GRIN2A: variants seen among roughly 807,000 people sequenced by gnomAD.
The protein encoded by GRIN2A is glutamate receptor ionotropic, NMDA 2A.
Under a neutral mutation model 113.4 loss-of-function variants are expected in GRIN2A, and 22 were observed. The ratio of observed to expected loss-of-function variants is 0.19; its 90% CI spans 0.14 to 0.28. The LOEUF (loss-of-function observed/expected upper bound fraction) is 0.28, where lower values mean the gene tolerates loss of function less well. Ranked by LOEUF, GRIN2A falls within the 10% of genes least tolerant of loss-of-function variation. The pLI is 1.00. For synonymous variants in GRIN2A, 827 were observed against 738.4 expected, an observed-to-expected ratio of 1.12 and a Z score of -1.94; for missense variants, 1,502 against 1,887.0, an observed-to-expected ratio of 0.80 and a Z score of 3.78.
rs138920458 is a variant in GRIN2A at position 9,762,180 on chromosome 16, T to C, written c.*969A>G. The C allele has an allele frequency of 4.6e-6, 1 of 219,452 alleles. No individual in the cohort carries two copies. The highest frequency in any genetic ancestry group is 2.2e-5 in the African/African-American group (1 of 44,708). 13.6% of individuals were successfully genotyped at this position (219,452 alleles called of 1,614,324 possible). On this transcript the variant is annotated 3_prime_UTR_variant, in exon 13 of 13. Transcript: ENST00000330684. ...GCTAATTGGACACCACCATGGCTGT[T>C]TGGAAACGGAACGAGTTATGGTTAC... is the stretch of plus-strand genomic sequence containing the variant.
At chr16:9,800,289 G>T (rs34220554) in intron 10 of GRIN2A, among the ~76,000 whole-genome samples, 4,190 of 152,178 alleles carry the variant, frequency 0.028, 81 homozygotes, top group Middle Eastern at 0.099. Flanking sequence ...AGTAGTCCTG[G>T]ATATTGTTTC....
intron 2 of GRIN2A, among the ~76,000 whole-genome samples, chr16:10,016,770 G>A (rs720717): frequency 0.69 from 105,018 of 152,004 alleles, 36,727 homozygotes; most frequent in Middle Eastern, 0.82. Flanking sequence ...TGGGCCTCCC[G>A]GCCTGGACTC....
chr16:10,093,444 G>A (rs772209156), intron 2 of GRIN2A, among the ~76,000 whole-genome samples: 1 of 152,104 alleles, frequency 6.6e-6, no homozygotes, highest in Non-Finnish European at 1.5e-5. Flanking sequence ...GGCCTCCATA[G>A]CTTCTAAAAA....
rs746257794 is a variant in GRIN2A, at chr16:9,764,251, C to T, written c.3293G>A (p.Cys1098Tyr). 3.1e-6 allele frequency: 5 copies of T among 1,614,044 alleles called. No homozygotes were observed. In the Admixed American group the frequency reaches 6.7e-5, roughly 22 times the overall value. ...CAGGTAGGTGCGCTCGACCTCACTA[C>T]AGTCCTTGGGGTATTTGGAGGCCAC... ...RSVASKYPKD[C>Y]SEVERTYLKT... is the part of the protein sequence containing the mutation. The change falls in exon 13 of 13, where the codon TGT becomes TAT. Residue 1098 changes from cysteine (C) to tyrosine (Y), a missense_variant. By Grantham distance (194) the Cys-to-Tyr change is radical. Around this residue, in one of 7 missense-constraint regions of GRIN2A, gnomAD observed 832 missense variants for 789.7 expected, o/e 1.05. Transcript: ENST00000330684.
At chr16:10,002,933 G>C (rs1383711647) in intron 2 of GRIN2A, among the ~76,000 whole-genome samples, 1 of 152,132 alleles carries the variant, frequency 6.6e-6, no homozygotes, top group Non-Finnish European at 1.5e-5. Context: ...GAAACCATAA[G>C]GCCTTTTATT....
chr16:10,096,539 A>AACACACACACACACACACACAC lies in GRIN2A; in HGVS notation c.414+83437_414+83458dup, dbSNP rs59351819. Reference sequence around the variant, plus strand: ...TTCAATTTTTTTTAAATTGTGGTAAAACACACACACACACACACACACACA... The same window carrying AACACACACACACACACACACAC: ...TTCAATTTTTTTTAAATTGTGGTAAAACACACACACACACACACACACACACACACACACACACACACACACA... On this transcript the variant is annotated intron_variant, in intron 2 of 12. Coordinates refer to ENST00000330684, the MANE Select transcript of GRIN2A (RefSeq NM_001134407.3). 2.5e-3 allele frequency among the ~76,000 whole-genome samples: 344 copies of AACACACACACACACACACACAC among 137,732 alleles called. 6 individuals are homozygous for AACACACACACACACACACACAC. The highest frequency in any genetic ancestry group is 4.4e-3 in the South Asian group (17 of 3,842). The allele number at this position is 137,732 out of a possible 152,430, so 90.4% of individuals were successfully genotyped here.
At chr16:10,155,109 T>A (rs916734699) in intron 2 of GRIN2A, among the ~76,000 whole-genome samples, 6 of 152,294 alleles carry the variant, frequency 3.9e-5, no homozygotes. Flanking sequence ...TGGCTTAAAC[T>A]TTTTTCTGTA....
At chr16:9,874,995 G>A (rs1173620439) in intron 4 of GRIN2A, among the ~76,000 whole-genome samples, 9 of 151,700 alleles carry the variant, frequency 5.9e-5, no homozygotes, top group African/African-American at 1.9e-4. Context: ...GGCAGAGGCT[G>A]GATAATTGCT....
chr16:9,821,416 A>T (rs1011692495), intron 10 of GRIN2A, among the ~76,000 whole-genome samples: 1 of 152,188 alleles, frequency 6.6e-6, no homozygotes, highest in Non-Finnish European at 1.5e-5. Context: ...ACATGCAAGC[A>T]GAAAGAAACC....
Position 10,180,226 on chromosome 16 carries a change from C to A in GRIN2A, c.186G>T (p.Gly62=), listed in dbSNP as rs1384863349. The A allele has an allele frequency of 8.1e-6, 13 of 1,613,966 alleles. No homozygotes were observed. The highest frequency in any genetic ancestry group is 3.3e-5 in the South Asian group (3 of 91,086). Residue 62 remains glycine, a synonymous_variant, in exon 2 of 13, where the codon GGG becomes GGT. Coordinates refer to ENST00000330684, the MANE Select transcript of GRIN2A (RefSeq NM_001134407.3). The surrounding 1 kb of genome is among the most constrained non-coding windows in gnomAD (Gnocchi z 7.0). The part of the protein sequence containing the change: ...RTLWGPEQAA[G]LPLDVNVVAL... ...CTACCACGTTCACGTCCAGGGGCAG[C>A]CCCGCCGCCTGCTCGGGGCCCCACA...
intron 3 of GRIN2A, among the ~76,000 whole-genome samples, chr16:9,897,761 C>T (rs1218483403): frequency 6.6e-6 from 1 of 152,098 alleles, no homozygotes; most frequent in African/African-American, 2.4e-5. Context: ...CATTATATTT[C>T]TAATGAACAG....
At chr16:9,993,386 C>G (rs538755504) in intron 2 of GRIN2A, among the ~76,000 whole-genome samples, 2 of 151,918 alleles carry the variant, frequency 1.3e-5, no homozygotes, top group Admixed American at 1.3e-4. Context: ...CCCATCTCTA[C>G]AAAAAAATTT....
intron 4 of GRIN2A, among the ~76,000 whole-genome samples, chr16:9,878,172 T>C (rs2043409205): frequency 6.6e-6 from 1 of 152,098 alleles, no homozygotes; most frequent in South Asian, 2.1e-4. Flanking sequence ...CTCAGAGAGA[T>C]CCTTAACAAT....
At chr16:10,092,037 T>C (rs1235691629) in intron 2 of GRIN2A, among the ~76,000 whole-genome samples, 1 of 152,234 alleles carries the variant, frequency 6.6e-6, no homozygotes. Flanking sequence ...TCAATAAAGG[T>C]ATTAAAATAA....
chr16:9,919,097 C>T (rs1247076073), intron 3 of GRIN2A, among the ~76,000 whole-genome samples: 1 of 152,056 alleles, frequency 6.6e-6, no homozygotes, highest in Non-Finnish European at 1.5e-5. Flanking sequence ...TGCTTGAACC[C>T]GGGAGGCGGA....
intron 11 of GRIN2A, among the ~76,000 whole-genome samples, chr16:9,781,853 A>T (rs1901953603): frequency 1.3e-5 from 2 of 152,240 alleles, no homozygotes; most frequent in Non-Finnish European, 2.9e-5. Flanking sequence ...GCATTTGGAA[A>T]ATAATGTAAT....
chr16:10,051,294 A>G lies in GRIN2A; in HGVS notation c.415-112743T>C, dbSNP rs142591745. Among the ~76,000 whole-genome samples, 5 of 152,322 alleles carry G rather than the reference A, an allele frequency of 3.3e-5. No homozygotes were observed. The East Asian group carries it at 7.7e-4, about 24-fold the overall frequency. On this transcript the variant is annotated intron_variant, in intron 2 of 12. Transcript: ENST00000330684. ...TGGAATTCTAAGCTCAAATAACTGC[A>G]GTCAGTTGTAAAAGTGCACAGACAG...
chr16:9,969,878 A>T (rs1337972301), intron 2 of GRIN2A, among the ~76,000 whole-genome samples: 4 of 152,228 alleles, frequency 2.6e-5, no homozygotes, highest in Non-Finnish European at 5.9e-5. Flanking sequence ...TCTGCCTTAA[A>T]GCCTTAGCTG....
intron 2 of GRIN2A, among the ~76,000 whole-genome samples, chr16:10,117,874 T>A (rs79474310): frequency 0.022 from 3,323 of 152,284 alleles, 58 homozygotes; most frequent in East Asian, 0.09. Context: ...CCATTCTAGT[T>A]TTTTACTGAA....
Sources: allele counts gnomAD v4.1 joint callset (sites outside exome capture counted in the v4.1 genomes callset), GRCh38; gene constraint gnomAD v4.1.1; regional missense constraint gnomAD v4.1.1; non-coding constraint Gnocchi (gnomAD v3.1); transcripts MANE v1.5; gene names NCBI Gene and HGNC (gene_info 2026-07-23, HGNC 2026-07-21).